Variants in OR10H1 observed in about 807,000 individuals in gnomAD.
OR10H1 encodes olfactory receptor 10H1.
OR10H1 carries 12 observed loss-of-function variants against 13.1 expected under a neutral mutation model. The observed-to-expected ratio is 0.92, with a 90% CI of 0.59 to 1.48. The LOEUF (loss-of-function observed/expected upper bound fraction) is 1.48. OR10H1 is among the 40% of genes most tolerant of loss of function. OR10H1 has a pLI of 0.00. For synonymous variants in OR10H1, 168 were observed against 175.6 expected (o/e 0.96, Z 0.34); for missense variants, 363 against 413.1 (o/e 0.88, Z 1.05).
chr19:15,814,696 G>A (rs956928751), intron 1 of OR10H1, among the ~76,000 whole-genome samples: 3 of 151,808 alleles, frequency 2.0e-5, no homozygotes, highest in African/African-American at 7.3e-5. Flanking sequence ...GTACAGACAG[G>A]GTCTCACTAT....
intron 2 of OR10H1, among the ~76,000 whole-genome samples, chr19:15,810,593 C>G (rs575721159): frequency 6.6e-6 from 1 of 151,978 alleles, no homozygotes; most frequent in Non-Finnish European, 1.5e-5. Context: ...TGTTGGCCTT[C>G]GTGAACAATG....
At chr19:15,814,478 TGTGAGAGAGAGAGAGAGAGAGAGAGA>T (rs1415136883) in intron 1 of OR10H1, among the ~76,000 whole-genome samples, 29 of 26,494 alleles carry the variant, frequency 1.1e-3, no homozygotes, top group African/African-American at 5.8e-3. Context: ...TGTGTGTGTG[TGTGAGAGAGAGAGAGAGAGAGAGAGA>T]GAGAGAGAGA....
Position 15,807,406 on chromosome 19 carries a change from C to G in OR10H1, c.632G>C (p.Cys211Ser), listed in dbSNP as rs149861784. 9.9e-6 allele frequency: 16 copies of G among 1,614,084 alleles called. No individual in the cohort carries two copies. The highest frequency in any genetic ancestry group is 1.0e-5 in the Non-Finnish European group (12 of 1,180,052). ...GLVCITALLG[C>S]FLLILLSYAF... ...ATAGGAGAGGAGGATGAGGAGAAAA[C>G]AGCCCAGCAGGGCCGTGATACACAC... Residue 211 changes from cysteine (C) to serine (S), a missense_variant, in exon 4 of 4, where the codon TGT becomes TCT. By Grantham distance (112) the Cys-to-Ser change is moderately radical. Transcript: ENST00000641419.
At chr19:15,811,931 T>G (rs529335800) in intron 2 of OR10H1, among the ~76,000 whole-genome samples, 1 of 152,300 alleles carries the variant, frequency 6.6e-6, no homozygotes, top group South Asian at 2.1e-4. Flanking sequence ...CAAGGACTGT[T>G]GTGTCTACAG....
Position 15,807,996 on chromosome 19 carries a change from G to T in OR10H1, c.42C>A (p.Leu14=). 1.2e-6 allele frequency: 2 copies of T among 1,614,116 alleles called. No individual in the cohort carries two copies. The highest frequency in any genetic ancestry group is 1.7e-6 in the Non-Finnish European group (2 of 1,179,994). ...ANHSTVTQFI[L]VGFSVFPHLQ... is the part of the protein sequence containing the mutation. ...GGTGGGGGAAGACAGAGAAGCCGAC[G>T]AGGATGAATTGGGTCACTGTGGAGT... is the stretch of plus-strand genomic sequence containing the variant. The change falls in exon 4 of 4, where the codon CTC becomes CTA. Residue 14 remains leucine (L), a synonymous_variant. Transcript: ENST00000641419.
chr19:15,807,602 C>T lies in OR10H1; in HGVS notation c.436G>A (p.Gly146Ser), dbSNP rs1450627724. 2.5e-6 allele frequency: 4 copies of T among 1,614,112 alleles called. No homozygotes were observed. Among genetic ancestry groups the T allele is most frequent in the Non-Finnish European group, 3.4e-6 (4 of 1,180,056 alleles). The change falls in exon 4 of 4, where the codon GGC becomes AGC. Residue 146 changes from glycine to serine, a missense_variant. Around this residue, in one of 3 missense-constraint regions of OR10H1, gnomAD observed 318 missense variants for 366.6 expected, o/e 0.87. Coordinates refer to ENST00000641419, the MANE Select transcript of OR10H1 (RefSeq NM_013940.4). ...ACCAAGCCACCAGCCCAGGAGCAGC[C>T]CACCAGGCAGGCGCAGCCCCGCGGG... ...MSPRGCACLVGCSWAGGLVMG... is the reference protein window; with the variant it reads ...MSPRGCACLVSCSWAGGLVMG...
chr19:15,807,723 G>A lies in OR10H1; in HGVS notation c.315C>T (p.Phe105=), dbSNP rs201403532. Residue 105 remains phenylalanine (F), a synonymous_variant, in exon 4 of 4, where the codon TTC becomes TTT. Coordinates refer to ENST00000641419, the MANE Select transcript of OR10H1 (RefSeq NM_013940.4). ...LACASQMFFS[F]SFGFTHSFLL... ...GGAAGGAGTGGGTGAAGCCGAAGCTGAAGGAGAAGAACATCTGACTGGCAC... is the reference window on the plus strand; with the variant it reads ...GGAAGGAGTGGGTGAAGCCGAAGCTAAAGGAGAAGAACATCTGACTGGCAC... The A allele has an allele frequency of 1.9e-6, 3 of 1,613,676 alleles. No homozygotes were observed. The highest frequency in any genetic ancestry group is 1.7e-4 in the Middle Eastern group (1 of 6,052).
intron 2 of OR10H1, among the ~76,000 whole-genome samples, chr19:15,811,247 G>A (rs1457536387): frequency 6.6e-6 from 1 of 152,198 alleles, no homozygotes; most frequent in African/African-American, 2.4e-5. Flanking sequence ...TCTTAGAGGA[G>A]TAAATGACTT....
chr19:15,815,313 C>G (rs2088960165), intron 1 of OR10H1, among the ~76,000 whole-genome samples: 1 of 150,322 alleles, frequency 6.7e-6, no homozygotes, highest in Non-Finnish European at 1.5e-5. Context: ...TGCACTCCAG[C>G]CTGGGCTACA....
chr19:15,815,340 CAAAAAAAA>C (rs10648172), intron 1 of OR10H1, among the ~76,000 whole-genome samples: 1 of 115,842 alleles, frequency 8.6e-6, no homozygotes. Flanking sequence ...GATTCCGTCT[CAAAAAAAA>C]AAAAAAAAAA....
intron 2 of OR10H1, among the ~76,000 whole-genome samples, chr19:15,809,849 G>A (rs1344580226): frequency 3.3e-5 from 5 of 151,296 alleles, no homozygotes; most frequent in Non-Finnish European, 5.9e-5. Context: ...GTCTGGCTCT[G>A]TCACCCAGGC....
rs201182090 is a variant in OR10H1, at chr19:15,807,868, G to T, written c.170C>A (p.Thr57Lys). 1.6e-5 allele frequency: 26 copies of T among 1,612,594 alleles called. 1 individual carries two copies. Among genetic ancestry groups the T allele is most frequent in the Middle Eastern group, 3.3e-4 (2 of 6,052 alleles). The change falls in exon 4 of 4, where the codon ACG becomes AAG. Residue 57 changes from threonine to lysine, a missense_variant. Transcript: ENST00000641419. ...GGCGCACAGGAAGAGGTACATGGGC[G>T]TGTGGAGGCTGCGCTCGCTCCAGAC... ...ATVWSERSLH[T>K]PMYLFLCALS...
rs2088903007 is a variant in OR10H1 at position 15,807,258 on chromosome 19, G to A, written c.780C>T (p.Tyr260=). Residue 260 remains tyrosine, a synonymous_variant, in exon 4 of 4, where the codon TAC becomes TAT. Coordinates refer to ENST00000641419, the MANE Select transcript of OR10H1 (RefSeq NM_013940.4). The part of the protein sequence containing the change: ...VVHYGFASVI[Y]LKPKSPQSLE... ...GAGACTGGGGACTTTTGGGCTTCAG[G>A]TAAATGACGGAGGCAAAGCCATAGT... 2.5e-6 allele frequency: 4 copies of A among 1,614,040 alleles called. No homozygotes were observed. Among genetic ancestry groups the A allele is most frequent in the Non-Finnish European group, 2.5e-6 (3 of 1,180,040 alleles).
chr19:15,809,071 G>A (rs999928677), intron 2 of OR10H1, among the ~76,000 whole-genome samples: 1 of 152,032 alleles, frequency 6.6e-6, no homozygotes, highest in African/African-American at 2.4e-5. Context: ...GGTTATCCAT[G>A]TAGGAAAGCA....
chr19:15,815,200 G>A (rs1036402457), intron 1 of OR10H1, among the ~76,000 whole-genome samples: 2 of 152,108 alleles, frequency 1.3e-5, no homozygotes, highest in African/African-American at 4.8e-5. Flanking sequence ...AATTAGCCAG[G>A]CATGGTGGCA....
rs2088892087 is a variant in OR10H1, at chr19:15,805,661, T to G, written c.*1420A>C. On this transcript the variant is annotated 3_prime_UTR_variant, in exon 4 of 4. Transcript: ENST00000641419. Reference sequence around the variant, plus strand: ...TGGGGTTTCAGCCATTTGCCCAGGCTGCTCTTGAACTCCTGACCTCAGGGG... The same window carrying G: ...TGGGGTTTCAGCCATTTGCCCAGGCGGCTCTTGAACTCCTGACCTCAGGGG... The G allele has an allele frequency of 6.6e-6, 1 of 152,124 alleles. No homozygotes were observed. The highest frequency in any genetic ancestry group is 2.4e-5 in the African/African-American group (1 of 41,404). The allele number at this position is 152,124 out of a possible 1,614,324, so 9.4% of individuals were successfully genotyped here.
intron 2 of OR10H1, among the ~76,000 whole-genome samples, chr19:15,810,162 G>A (rs548840300): frequency 1.1e-3 from 167 of 151,936 alleles, no homozygotes; most frequent in Non-Finnish European, 1.9e-3. Flanking sequence ...AGGCATGGTG[G>A]CACAGGCCTG....
chr19:15,814,445 T>G lies in OR10H1; in HGVS notation c.-778+1110A>C, dbSNP rs1046755771. 8.6e-3 allele frequency among the ~76,000 whole-genome samples: 878 copies of G among 102,056 alleles called. 15 individuals carry two copies. Among genetic ancestry groups the G allele is most frequent in the African/African-American group, 0.029 (823 of 28,144 alleles). 67.0% of individuals were successfully genotyped at this position (102,056 alleles called of 152,430 possible). On this transcript the variant is annotated intron_variant, in intron 1 of 3. Coordinates refer to ENST00000641419, the MANE Select transcript of OR10H1 (RefSeq NM_013940.4). ...CCACCTGCTCCCATTGACGCCTCCC[T>G]TGTGTGTGTGTGTGTGTGTGTGTGT...
At chr19:15,808,637 G>A (rs1438320128) in intron 3 of OR10H1, 88 bp downstream of exon 3, 1 of 152,742 alleles carries the variant, frequency 6.5e-6, no homozygotes, top group African/African-American at 2.4e-5. Flanking sequence ...GGATCACGAG[G>A]TCAAGAGATG....
Sources: allele counts gnomAD v4.1 joint callset (sites outside exome capture counted in the v4.1 genomes callset), GRCh38; gene constraint gnomAD v4.1.1; regional missense constraint gnomAD v4.1.1; transcripts MANE v1.5; gene names NCBI Gene and HGNC (gene_info 2026-07-23, HGNC 2026-07-21).